METTL21A: variants seen among roughly 807,000 people sequenced by gnomAD.
METTL21A encodes methyltransferase 21A, HSPA lysine, also known as protein N-lysine methyltransferase METTL21A.
In METTL21A, 22 loss-of-function variants were observed where a neutral mutation model predicts 20.9. That is an observed-to-expected ratio of 1.05 (90% CI 0.75 to 1.50). The LOEUF (loss-of-function observed/expected upper bound fraction) is 1.50. Ranked by LOEUF, METTL21A falls within the 40% of genes most tolerant of loss-of-function variation. The pLI is 0.00. For missense variants in METTL21A, 271 were observed against 266.8 expected, an observed-to-expected ratio of 1.02 and a Z score of -0.11; for synonymous variants, 93 against 102.0, an observed-to-expected ratio of 0.91 and a Z score of 0.53.
chr2:207,592,395 A>G (rs971307057), intron 3 of METTL21A, among the ~76,000 whole-genome samples: 3 of 151,906 alleles, frequency 2.0e-5, no homozygotes, highest in African/African-American at 7.3e-5. Context: ...ACAGAGCAAG[A>G]CTCCATCTCA....
chr2:207,603,839 T>TA (rs376856014), intron 3 of METTL21A, among the ~76,000 whole-genome samples: 6 of 152,212 alleles, frequency 3.9e-5, no homozygotes, highest in African/African-American at 1.4e-4. Context: ...AATCTTTGCT[T>TA]AAGCTGTAAG....
chr2:207,595,819 T>C (rs1278850806), intron 3 of METTL21A, among the ~76,000 whole-genome samples: 1 of 152,194 alleles, frequency 6.6e-6, no homozygotes, highest in Non-Finnish European at 1.5e-5. Flanking sequence ...TTCTCCCACC[T>C]CAGCCTCCCA....
intron 3 of METTL21A, among the ~76,000 whole-genome samples, chr2:207,591,974 T>C (rs891141945): frequency 6.6e-6 from 1 of 152,206 alleles, no homozygotes; most frequent in Non-Finnish European, 1.5e-5. Context: ...ATCCATGTTT[T>C]AATCTATTAT....
chr2:207,585,113 A>G lies in METTL21A; in HGVS notation c.260-2953T>C, dbSNP rs190475636. Among the ~76,000 whole-genome samples the G allele has an allele frequency of 1.3e-3, 192 of 152,282 alleles. 1 individual carries two copies. Among genetic ancestry groups the G allele is most frequent in the Non-Finnish European group, 2.4e-3 (165 of 68,024 alleles). ...CCACCAGCACCCACTGTCTGGAATCATGAAGGCCAGCTCGCTCTCACTATC... is the reference window on the plus strand; with the variant it reads ...CCACCAGCACCCACTGTCTGGAATCGTGAAGGCCAGCTCGCTCTCACTATC... On this transcript the variant is annotated intron_variant, in intron 3 of 3. Transcript: ENST00000425132.
intron 3 of METTL21A, among the ~76,000 whole-genome samples, chr2:207,585,830 A>G (rs937425238): frequency 1.3e-5 from 2 of 152,174 alleles, no homozygotes; most frequent in African/African-American, 4.8e-5. Context: ...AAAATAACCC[A>G]GTCAAACACA....
chr2:207,625,188 G>A (rs994238557), intron 1 of METTL21A: 2 of 152,240 alleles, frequency 1.3e-5, no homozygotes, highest in African/African-American at 2.4e-5. Context: ...CAGGCCATAC[G>A]GGGCGCCGTG....
chr2:207,622,028 G>T, intron 2 of METTL21A, 111 bp from the exon 3 acceptor site: 1 of 859,370 alleles, frequency 1.2e-6, no homozygotes, highest in South Asian at 1.5e-5. Flanking sequence ...TCAATTCCCA[G>T]CTTAACAACA....
downstream of METTL21A, chr2:207,581,229 G>A (rs1391957010): frequency 4.9e-6 from 1 of 204,602 alleles, no homozygotes; most frequent in Non-Finnish European, 1.0e-5. Context: ...CTAATGAGTT[G>A]AGGGATATAA....
At chr2:207,624,249 C>T in exon 2 of METTL21A, 1 of 1,607,082 alleles carries the variant, frequency 6.2e-7, no homozygotes, top group Non-Finnish European at 8.5e-7. Context: ...ACCACCGCTG[C>T]GACTCCCAGG....
chr2:207,603,488 G>C (rs1265843464), intron 3 of METTL21A: 1 of 225,070 alleles, frequency 4.4e-6, no homozygotes, highest in East Asian at 6.4e-5. Context: ...TTTTTTGCTA[G>C]TAGTGTGAAG....
At chr2:207,582,493 T>C (rs2083094759) in intron 3 of METTL21A, among the ~76,000 whole-genome samples, 2 of 152,238 alleles carry the variant, frequency 1.3e-5, no homozygotes, top group Admixed American at 6.5e-5. Flanking sequence ...TTATTTATTA[T>C]GTTGTTCATA....
chr2:207,588,261 A>G (rs1207619477), intron 3 of METTL21A, among the ~76,000 whole-genome samples: 1 of 152,082 alleles, frequency 6.6e-6, no homozygotes, highest in African/African-American at 2.4e-5. Flanking sequence ...TTATATAGGA[A>G]CATCCATTTG....
intron 3 of METTL21A, among the ~76,000 whole-genome samples, chr2:207,587,074 C>A (rs752433069): frequency 6.6e-6 from 1 of 152,076 alleles, no homozygotes. Flanking sequence ...GCAGCCATTA[C>A]GGAAAACGGT....
intron 3 of METTL21A, 38 bp from the exon 4 acceptor site, chr2:207,613,481 A>G (rs2089266115): frequency 1.3e-6 from 2 of 1,521,748 alleles, no homozygotes; most frequent in Admixed American, 4.4e-5. Context: ...TGTGTACATC[A>G]GTACAATTCT....
intron 3 of METTL21A, among the ~76,000 whole-genome samples, chr2:207,587,374 C>T (rs1368595385): frequency 6.9e-6 from 1 of 145,868 alleles, no homozygotes; most frequent in Non-Finnish European, 1.5e-5. Context: ...GCCTGGGTGA[C>T]GGAACGAGAC....
At chr2:207,588,928 TATC>T (rs2084440558) in intron 3 of METTL21A, among the ~76,000 whole-genome samples, 1 of 151,874 alleles carries the variant, frequency 6.6e-6, no homozygotes, top group South Asian at 2.1e-4. Flanking sequence ...CTACACAAAT[TATC>T]ATGTCACCTA....
exon 4 of METTL21A, chr2:207,613,183 G>C (rs192886645): frequency 6.2e-7 from 1 of 1,613,816 alleles, no homozygotes; most frequent in African/African-American, 1.3e-5. Flanking sequence ...TAGCGAATTC[G>C]GCATGCTAAA....
chr2:207,623,064 C>CACCT (rs1331830830), intron 2 of METTL21A, among the ~76,000 whole-genome samples: 1 of 152,030 alleles, frequency 6.6e-6, no homozygotes, highest in African/African-American at 2.4e-5. Flanking sequence ...TGCGCCACCA[C>CACCT]GGCTAATTTT....
At chr2:207,600,683 A>G (rs1309837310) in intron 3 of METTL21A, 1 of 210,982 alleles carries the variant, frequency 4.7e-6, no homozygotes, top group Non-Finnish European at 9.6e-6. Flanking sequence ...ATGTGTTTTG[A>G]TGGTAGGTCA....
Sources: gnomAD v4.1 joint callset for allele counts (sites outside exome capture counted in the v4.1 genomes callset) on GRCh38, gnomAD v4.1.1 for gene constraint, MANE v1.5 for transcripts, NCBI Gene and HGNC (gene_info 2026-07-23, HGNC 2026-07-21) for gene names.